WDR41: variants seen among roughly 807,000 people sequenced by gnomAD.
WDR41 encodes the protein WD repeat domain 41.
A neutral mutation model predicts 69.3 loss-of-function variants in WDR41; 63 were observed. The ratio of observed to expected loss-of-function variants is 0.91; its 90% confidence interval spans 0.74 to 1.12. The LOEUF (loss-of-function observed/expected upper bound fraction) is 1.12, where lower values mean the gene tolerates loss of function less well. WDR41 is among the 50% of genes most tolerant of loss of function. The probability of loss-of-function intolerance (pLI) is 0.00; values close to 1 mark genes in which losing one functional copy is unlikely to be tolerated. For synonymous variants in WDR41, 185 were observed against 192.1 expected, an observed-to-expected ratio of 0.96 and a Z score of 0.31; for missense variants, 543 against 534.5, an observed-to-expected ratio of 1.02 and a Z score of -0.16.
chr5:77,598,854 TAAGGAAGCCACAAGTC>T (rs1201648169), intron 1 of WDR41, among the ~76,000 whole-genome samples: 5 of 152,194 alleles, frequency 3.3e-5, no homozygotes, highest in African/African-American at 1.2e-4. Flanking sequence ...CCTATGGCCT[TAAGGAAGCCACAAGTC>T]AAGGAAGCCA....
chr5:77,517,382 CAAAAACA>C (rs905791209), intron 1 of WDR41, among the ~76,000 whole-genome samples: 4 of 150,824 alleles, frequency 2.7e-5, no homozygotes, highest in African/African-American at 9.9e-5. Flanking sequence ...GATGGAAAAA[CAAAAACA>C]AAAACAAAAA....
chr5:77,547,994 C>A lies in WDR41; in HGVS notation c.43-58422G>T, dbSNP rs531323084. On this transcript the variant is annotated intron_variant, in intron 1 of 5. Transcript: ENST00000509971. ...AATAAACCCAAATACTTACAGCCAA[C>A]TGATCTTCAACAAAGCAAACAAAAA... Among the ~76,000 whole-genome samples the A allele has an allele frequency of 1.5e-3, 231 of 151,632 alleles. 3 individuals carry two copies. The highest frequency in any genetic ancestry group is 5.4e-3 in the African/African-American group (222 of 40,916).
Position 77,600,284 on chromosome 5 carries a change from G to A in WDR41, c.42+20195C>T, listed in dbSNP as rs370625371. Among the ~76,000 whole-genome samples the A allele has an allele frequency of 3.9e-5, 6 of 152,234 alleles. No homozygotes were observed. In the East Asian group the frequency reaches 5.8e-4, roughly 15 times the overall value. ...GAATACCACTGAGCAAGAAAAAACC[G>A]ACACATGCCACAACTAGGATGAATC... On this transcript the variant is annotated intron_variant, in intron 1 of 5. Transcript: ENST00000509971.
At chr5:77,440,719 TTTTTTATGTCCAACATGGGATTAAA>T in intron 9 of WDR41, 69 bp downstream of exon 9, 3 of 1,243,860 alleles carry the variant, frequency 2.4e-6, no homozygotes, top group Non-Finnish European at 3.3e-6. Flanking sequence ...GAATGATACC[TTTTTTATGTCCAACATGGGATTAAA>T]TTTTTAAAAT....
intron 1 of WDR41, chr5:77,620,375 T>C (rs1468542733): frequency 2.4e-6 from 1 of 409,156 alleles, no homozygotes; most frequent in Non-Finnish European, 4.9e-6. Flanking sequence ...TCCCAGCTAA[T>C]TTCCTGTTTT....
intron 5 of WDR41, among the ~76,000 whole-genome samples, chr5:77,456,949 C>T (rs1799858301): frequency 6.6e-6 from 1 of 152,138 alleles, no homozygotes; most frequent in Non-Finnish European, 1.5e-5. Context: ...AGCAATCCAC[C>T]CACCTTGGTC....
intron 1 of WDR41, among the ~76,000 whole-genome samples, chr5:77,551,816 A>G (rs1353278390): frequency 6.6e-6 from 1 of 150,730 alleles, no homozygotes; most frequent in Non-Finnish European, 1.5e-5. Context: ...CTTCTCTACT[A>G]AAAATACAAA....
chr5:77,467,696 T>C (rs1164314004), intron 2 of WDR41, among the ~76,000 whole-genome samples: 1 of 152,024 alleles, frequency 6.6e-6, no homozygotes, highest in African/African-American at 2.4e-5. Flanking sequence ...GCTAAAGAAA[T>C]GCTTGTTGAA....
At chr5:77,458,261 A>C (rs13168385) in intron 5 of WDR41, among the ~76,000 whole-genome samples, 3 of 152,156 alleles carry the variant, frequency 2.0e-5, no homozygotes, top group Non-Finnish European at 4.4e-5. Context: ...TTTGAACAGC[A>C]CAGTGCCATG....
chr5:77,573,297 T>C (rs1743765965), intron 1 of WDR41, among the ~76,000 whole-genome samples: 1 of 152,064 alleles, frequency 6.6e-6, no homozygotes, highest in Non-Finnish European at 1.5e-5. Flanking sequence ...TACTTTAAGT[T>C]CTGGGATACA....
intron 2 of WDR41, among the ~76,000 whole-genome samples, chr5:77,467,981 G>T (rs556958986): frequency 2.0e-5 from 3 of 151,240 alleles, no homozygotes; most frequent in Non-Finnish European, 4.4e-5. Context: ...CCACTCTCCA[G>T]CCTGGACAAC....
At chr5:77,596,059 A>G (rs1744222115) in intron 1 of WDR41, among the ~76,000 whole-genome samples, 1 of 152,228 alleles carries the variant, frequency 6.6e-6, no homozygotes, top group African/African-American at 2.4e-5. Flanking sequence ...ATTCAGTCTC[A>G]TAAAAAACAA....
chr5:77,463,180 G>T lies in WDR41; in HGVS notation c.263C>A (p.Thr88Lys). 6 of 1,612,562 alleles carry T rather than the reference G, an allele frequency of 3.7e-6. No individual in the cohort carries two copies. Among genetic ancestry groups the T allele is most frequent in the Non-Finnish European group, 5.1e-6 (6 of 1,179,192 alleles). The change falls in exon 4 of 13, where the codon ACA becomes AAA. Residue 88 changes from threonine to lysine, a missense_variant. Thr to Lys is a moderately conservative substitution (Grantham distance 78). Transcript: ENST00000296679. The part of the protein sequence containing the change: ...LELNGHTQKI[T>K]AIITFPSLES... The stretch of plus-strand genomic sequence containing the variant: ...CAAGGAAGGAAATGTAATAATAGCT[G>T]TTATCTTTTGAGTGTGTCCATTCAG...
intron 1 of WDR41, among the ~76,000 whole-genome samples, chr5:77,592,848 C>A (rs549533014): frequency 1.1e-4 from 17 of 152,254 alleles, no homozygotes; most frequent in African/African-American, 4.1e-4. Context: ...TTGTGATTGA[C>A]CTTAGCTAAT....
intron 6 of WDR41, chr5:77,452,298 T>G (rs966545249): frequency 6.6e-6 from 1 of 152,058 alleles, no homozygotes; most frequent in Non-Finnish European, 1.5e-5. Flanking sequence ...AACAGCAGGG[T>G]GGATAGCAAG....
chr5:77,459,937 T>A (rs1799977118), intron 4 of WDR41, among the ~76,000 whole-genome samples: 1 of 152,154 alleles, frequency 6.6e-6, no homozygotes, highest in Non-Finnish European at 1.5e-5. Flanking sequence ...ATTTAACACA[T>A]CTATCAAACA....
intron 1 of WDR41, among the ~76,000 whole-genome samples, chr5:77,577,582 A>C (rs1297873832): frequency 1.3e-5 from 2 of 152,214 alleles, no homozygotes; most frequent in Non-Finnish European, 2.9e-5. Flanking sequence ...TATTAAATAA[A>C]AGTGGCCATA....
chr5:77,481,303 C>G (rs1160571209), intron 2 of WDR41, among the ~76,000 whole-genome samples: 4 of 152,112 alleles, frequency 2.6e-5, no homozygotes, highest in Non-Finnish European at 5.9e-5. Flanking sequence ...CCATCATACC[C>G]GGCCCCTTGT....
intron 1 of WDR41, among the ~76,000 whole-genome samples, chr5:77,594,350 C>G (rs980563541): frequency 6.6e-6 from 1 of 151,406 alleles, no homozygotes; most frequent in African/African-American, 2.4e-5. Flanking sequence ...ACCAACATAG[C>G]ACATGTATAC....
Sources: gnomAD v4.1 joint callset for allele counts (sites outside exome capture counted in the v4.1 genomes callset) on GRCh38, gnomAD v4.1.1 for gene constraint, MANE v1.5 for transcripts, NCBI Gene and HGNC (gene_info 2026-07-23, HGNC 2026-07-21) for gene names.